Variants in PKIG observed in about 807,000 individuals in gnomAD.
PKIG encodes protein kinase (cAMP-dependent, catalytic) inhibitor gamma.
In PKIG, 1 loss-of-function variant was observed where a neutral mutation model predicts 6.8. The observed-to-expected ratio is 0.15, with a 90% CI of 0.05 to 0.69. The LOEUF (loss-of-function observed/expected upper bound fraction) is 0.69. Among genes scored for constraint, PKIG ranks in the 30% least tolerant of loss-of-function variants. The pLI is 0.82. For missense variants in PKIG, 77 were observed against 104.0 expected (o/e 0.74, Z 1.13); for synonymous variants, 39 against 43.0 (o/e 0.91, Z 0.36).
At position 44,614,795 on chromosome 20, in the gene PKIG, A is replaced by G. The variant is rs1006898092; in HGVS notation, c.151+88A>G. 1 of 1,366,374 alleles carries G rather than the reference A, an allele frequency of 7.3e-7. No homozygotes were observed. The allele number at this position is 1,366,374 out of a possible 1,614,324, so 84.6% of individuals were successfully genotyped here. A position where few individuals can be genotyped will look rare whatever the true frequency, so the allele number is the denominator to read the frequency against. ...AGCCTCCAAGTCCTAGACTGCCCAT[A>G]CTTTCTTAGAGAAGAAACCACATTT... On this transcript the variant is annotated intron_variant, in intron 3 of 3. Coordinates refer to ENST00000372886, the MANE Select transcript of PKIG (RefSeq NM_001281445.2). This position sits in a 1 kb window ranked among gnomAD's most constrained non-coding sequence, Gnocchi z 4.6.
chr20:44,588,377 C>T (rs549258420), intron 1 of PKIG, among the ~76,000 whole-genome samples: 10 of 152,314 alleles, frequency 6.6e-5, no homozygotes, highest in Non-Finnish European at 1.0e-4. Context: ...CGCGGTGGCT[C>T]ATGCCTGTAA....
chr20:44,552,332 T>C (rs2064676377), intron 1 of PKIG, among the ~76,000 whole-genome samples: 2 of 152,230 alleles, frequency 1.3e-5, no homozygotes, highest in Non-Finnish European at 2.9e-5. Context: ...GTTTCCCTTT[T>C]CTTCCACATA....
chr20:44,558,054 G>T (rs1300489872), intron 1 of PKIG, among the ~76,000 whole-genome samples: 1 of 152,022 alleles, frequency 6.6e-6, no homozygotes, highest in Non-Finnish European at 1.5e-5. Flanking sequence ...GTCTTTAAAT[G>T]ACTATAATAT....
intron 2 of PKIG, among the ~76,000 whole-genome samples, chr20:44,600,198 G>C (rs1028758069): frequency 6.6e-6 from 1 of 152,158 alleles, no homozygotes; most frequent in Non-Finnish European, 1.5e-5. Flanking sequence ...TGTGACCAGA[G>C]CAAAATGGAC....
At chr20:44,590,197 A>G (rs1005188859) in intron 2 of PKIG, among the ~76,000 whole-genome samples, 18 of 152,190 alleles carry the variant, frequency 1.2e-4, no homozygotes, top group African/African-American at 3.6e-4. Context: ...AGTTATTAGC[A>G]ACATTGGGCC....
chr20:44,568,472 C>CTT (rs577898928), intron 1 of PKIG, among the ~76,000 whole-genome samples: 6 of 146,090 alleles, frequency 4.1e-5, no homozygotes, highest in African/African-American at 1.0e-4. Flanking sequence ...TAAAGTGAGA[C>CTT]TTTTTTTTTT....
chr20:44,536,491 G>A (rs757442172), intron 1 of PKIG, among the ~76,000 whole-genome samples: 1 of 152,202 alleles, frequency 6.6e-6, no homozygotes, highest in Admixed American at 6.5e-5. Context: ...CATTTCAGAA[G>A]GAGAATCAAC....
At chr20:44,578,836 A>G (rs1177348054), upstream of PKIG, among the ~76,000 whole-genome samples, 1 of 152,188 alleles carries the variant, frequency 6.6e-6, no homozygotes, top group East Asian at 1.9e-4. Context: ...TACCTACCTC[A>G]TAGAGATCCT....
chr20:44,618,221 ACCT>A, intron 3 of PKIG, 61 bp from the exon 4 acceptor site: 1 of 1,084,314 alleles, frequency 9.2e-7, no homozygotes, highest in South Asian at 1.2e-5. Flanking sequence ...GCCCTTTCAC[ACCT>A]CCTTCTGTGC....
chr20:44,548,377 A>G (rs1227106836), intron 1 of PKIG, among the ~76,000 whole-genome samples: 2 of 152,184 alleles, frequency 1.3e-5, no homozygotes, highest in Non-Finnish European at 2.9e-5. Context: ...CTGAGACTTC[A>G]TAATATTCGT....
At chr20:44,597,736 T>C (rs244098) in intron 2 of PKIG, among the ~76,000 whole-genome samples, 35,927 of 151,966 alleles carry the variant, frequency 0.24, 5,269 homozygotes, top group African/African-American at 0.42. Context: ...ATGATCTAAA[T>C]TTGCCGAGGC....
chr20:44,584,844 C>T (rs899879340), intron 1 of PKIG, among the ~76,000 whole-genome samples: 6 of 152,070 alleles, frequency 3.9e-5, no homozygotes, highest in Admixed American at 3.9e-4. Flanking sequence ...CTGCCTCAGC[C>T]CCTCGAATAG....
Position 44,614,462 on chromosome 20 carries a change from G to T in PKIG, c.-23-72G>T. 1.8e-6 allele frequency: 2 copies of T among 1,101,730 alleles called. No individual in the cohort carries two copies. The highest frequency in any genetic ancestry group is 2.7e-6 in the Non-Finnish European group (2 of 750,024). 68.2% of individuals were successfully genotyped at this position (1,101,730 alleles called of 1,614,324 possible). The stretch of plus-strand genomic sequence containing the variant: ...CATTTTGACAGAAGCCACTGTGCTG[G>T]GGAACTGGAGCTGTCCTCTCTGCAG... On this transcript the variant is annotated intron_variant, in intron 2 of 3. Transcript: ENST00000372886. This position sits in a 1 kb window ranked among gnomAD's most constrained non-coding sequence, Gnocchi z 4.6.
At position 44,551,531 on chromosome 20, in the gene PKIG, G is replaced by T. The variant is rs2064668522; in HGVS notation, c.-241+19553G>T. Among the ~76,000 whole-genome samples, 3 of 152,216 alleles carry T rather than the reference G, an allele frequency of 2.0e-5. No homozygotes were observed. In the South Asian group the frequency reaches 6.2e-4, roughly 32 times the overall value. On this transcript the variant is annotated intron_variant, in intron 1 of 4. Transcript: ENST00000372887. ...CAAGCAGAGTAAAGGGACAATTTTT[G>T]TTTCTATAAGACAGCCCCTCAATTT...
intron 1 of PKIG, among the ~76,000 whole-genome samples, chr20:44,557,693 G>A (rs1264209180): frequency 2.6e-5 from 4 of 151,676 alleles, no homozygotes; most frequent in African/African-American, 4.8e-5. Context: ...CCGTGGTGGC[G>A]GGCACCTGTA....
chr20:44,617,613 C>T (rs747378795), intron 3 of PKIG, among the ~76,000 whole-genome samples: 1 of 152,104 alleles, frequency 6.6e-6, no homozygotes, highest in Non-Finnish European at 1.5e-5. Context: ...CCTCACCCCA[C>T]CAAGATGTCT....
intron 1 of PKIG, among the ~76,000 whole-genome samples, chr20:44,550,689 C>T (rs959985036): frequency 6.6e-6 from 1 of 152,100 alleles, no homozygotes; most frequent in African/African-American, 2.4e-5. Context: ...GTCATCTAAT[C>T]CTTACAACTG....
At chr20:44,585,663 A>G (rs755400588) in intron 1 of PKIG, among the ~76,000 whole-genome samples, 1 of 152,236 alleles carries the variant, frequency 6.6e-6, no homozygotes, top group Admixed American at 6.5e-5. Context: ...CAGTTGCTCC[A>G]TCTGTTAAAT....
chr20:44,615,026 T>C (rs1007359552), intron 3 of PKIG, among the ~76,000 whole-genome samples: 1 of 152,132 alleles, frequency 6.6e-6, no homozygotes, highest in Non-Finnish European at 1.5e-5. Context: ...TGGCTGACTT[T>C]AGCGGCCGGC....
Sources: allele counts gnomAD v4.1 joint callset (sites outside exome capture counted in the v4.1 genomes callset), GRCh38; gene constraint gnomAD v4.1.1; non-coding constraint Gnocchi (gnomAD v3.1); transcripts MANE v1.5; gene names NCBI Gene and HGNC (gene_info 2026-07-23, HGNC 2026-07-21).